GTF3C3: variants seen among roughly 807,000 people sequenced by gnomAD.
GTF3C3 encodes general transcription factor IIIC subunit 3, also known as general transcription factor 3C polypeptide 3.
A neutral mutation model predicts 105.2 loss-of-function variants in GTF3C3; 75 were observed. The ratio of observed to expected loss-of-function variants is 0.71; its 90% CI spans 0.59 to 0.86. The LOEUF is 0.86. GTF3C3 is among the 40% of genes least tolerant of loss of function. The pLI is 0.00. For missense variants in GTF3C3, 856 were observed against 1,076.5 expected, an observed-to-expected ratio of 0.80 and a Z score of 2.87; for synonymous variants, 335 against 370.4, an observed-to-expected ratio of 0.90 and a Z score of 1.10.
intron 13 of GTF3C3, among the ~76,000 whole-genome samples, chr2:196,774,222 A>G (rs569799303): frequency 2.0e-5 from 3 of 152,328 alleles, no homozygotes; most frequent in African/African-American, 7.2e-5. Context: ...CCTAAACAAA[A>G]TATGGACAAA....
At chr2:196,798,985 T>C (rs950499270) in intron 1 of GTF3C3, among the ~76,000 whole-genome samples, 1 of 152,010 alleles carries the variant, frequency 6.6e-6, no homozygotes, top group East Asian at 1.9e-4. Context: ...TATTTCTAAG[T>C]ATGGGGAAAA....
chr2:196,763,147 G>C lies in GTF3C3; in HGVS notation c.*1416C>G, dbSNP rs913648802. 5.3e-5 allele frequency: 8 copies of C among 152,162 alleles called. No individual in the cohort carries two copies. The highest frequency in any genetic ancestry group is 3.3e-4 in the Admixed American group (5 of 15,268). The allele number at this position is 152,162 out of a possible 1,614,324, so 9.4% of individuals were successfully genotyped here. A position where few individuals can be genotyped will look rare whatever the true frequency, so the allele number is the denominator to read the frequency against. Reference sequence around the variant, plus strand: ...AGAGATAACATATCCAAAGTGTTTAGCACCATACTTAGCATACAGTAGCAG... The same window carrying C: ...AGAGATAACATATCCAAAGTGTTTACCACCATACTTAGCATACAGTAGCAG... On this transcript the variant is annotated 3_prime_UTR_variant, in exon 18 of 18. Coordinates refer to ENST00000263956, the MANE Select transcript of GTF3C3 (RefSeq NM_012086.5).
At chr2:196,765,546 T>C (rs972256615) in intron 17 of GTF3C3, among the ~76,000 whole-genome samples, 5 of 150,134 alleles carry the variant, frequency 3.3e-5, no homozygotes, top group Non-Finnish European at 7.4e-5. Context: ...TATATAAATA[T>C]GTATATATGA....
intron 13 of GTF3C3, 55 bp from the exon 14 acceptor site, chr2:196,773,208 T>C: frequency 3.0e-6 from 3 of 990,906 alleles, no homozygotes; most frequent in Non-Finnish European, 4.6e-6. Flanking sequence ...GAAATAGCAG[T>C]ATTAGAAAAA....
rs1463513043 is a variant in GTF3C3, at chr2:196,766,789, AG to A, written c.2386-73del. The A allele has an allele frequency of 2.6e-6, 3 of 1,152,678 alleles. No individual in the cohort carries two copies. The East Asian group carries it at 7.1e-5, about 27-fold the overall frequency. The allele number at this position is 1,152,678 out of a possible 1,614,324, so 71.4% of individuals were successfully genotyped here. A position where few individuals can be genotyped will look rare whatever the true frequency, so the allele number is the denominator to read the frequency against. On this transcript the variant is annotated intron_variant, in intron 16 of 17. Coordinates refer to ENST00000263956, the MANE Select transcript of GTF3C3 (RefSeq NM_012086.5). ...TTATGTACTAGACCACTGTATTACC[AG>A]GTGCTGAAAATACAAATATTTTTTA...
At position 196,793,154 on chromosome 2, in the gene GTF3C3, TG is replaced by T. The variant is rs1296557029; in HGVS notation, c.215-3del. The T allele has an allele frequency of 1.3e-6, 2 of 1,593,202 alleles. No individual in the cohort carries two copies. The highest frequency in any genetic ancestry group is 1.7e-6 in the Non-Finnish European group (2 of 1,166,276). On this transcript the variant is annotated splice_polypyrimidine_tract_variant and splice_region_variant and intron_variant, in intron 2 of 17. Coordinates refer to ENST00000263956, the MANE Select transcript of GTF3C3 (RefSeq NM_012086.5). ...TCCTCACTCCATCTGATGTTTCTCC[TG>T]AGAAAAGAGACATTGATGGGGGAGG... is the stretch of plus-strand genomic sequence containing the variant.
Position 196,773,063 on chromosome 2 carries a change from C to A in GTF3C3, c.1922G>T (p.Arg641Leu). 6.2e-7 allele frequency: 1 copy of A among 1,612,914 alleles called. No individual in the cohort carries two copies. The highest frequency in any genetic ancestry group is 8.5e-7 in the Non-Finnish European group (1 of 1,179,002). ...TACAAGCAACTCAGCCTCTTGAAATCGGGATAGGTCACATAAGGAGTATAT... is the reference window on the plus strand; with the variant it reads ...TACAAGCAACTCAGCCTCTTGAAATAGGGATAGGTCACATAAGGAGTATAT... ...KAIYSLCDLS[R>L]FQEAELLVDS... is the part of the protein sequence containing the mutation. The change falls in exon 14 of 18, where the codon CGA becomes CTA. Residue 641 changes from arginine to leucine, a missense_variant. Physicochemically the swap from Arg to Leu is moderately radical, Grantham distance 102. This residue lies in a region of GTF3C3 where 605 missense variants were observed against 833.6 expected (regional missense o/e 0.73). Transcript: ENST00000263956.
In GTF3C3 at chr2:196,763,399, C is replaced by A. The variant is rs1001813837; in HGVS notation, c.*1164G>T. ...CTAACTTATTACTGTATCTCAGTTA[C>A]CTCTACCATTACCTATAAATGGCAT... is the stretch of plus-strand genomic sequence containing the variant. On this transcript the variant is annotated 3_prime_UTR_variant, in exon 18 of 18. Transcript: ENST00000263956. 12 of 152,134 alleles carry A rather than the reference C, an allele frequency of 7.9e-5. No homozygotes were observed. Among genetic ancestry groups the A allele is most frequent in the African/African-American group, 2.4e-4 (10 of 41,420 alleles). 9.4% of individuals were successfully genotyped at this position (152,134 alleles called of 1,614,324 possible).
chr2:196,772,875 CTATT>C, intron 14 of GTF3C3, 37 bp downstream of exon 14: 1 of 1,003,962 alleles, frequency 1.0e-6, no homozygotes, highest in African/African-American at 1.6e-5. Flanking sequence ...TGTACTTACT[CTATT>C]AAAGAATCTA....
At chr2:196,774,696 G>C (rs1272658347) in intron 13 of GTF3C3, among the ~76,000 whole-genome samples, 1 of 152,158 alleles carries the variant, frequency 6.6e-6, no homozygotes, top group East Asian at 1.9e-4. Context: ...TATTACTTGA[G>C]ACTAGGTCAC....
In GTF3C3 at chr2:196,780,627, C is replaced by T. The variant is rs200627790; in HGVS notation, c.1150G>A (p.Val384Met). 3.0e-5 allele frequency: 49 copies of T among 1,613,140 alleles called. No individual in the cohort carries two copies. The Middle Eastern group carries it at 9.9e-4, about 33-fold the overall frequency. The change falls in exon 9 of 18, where the codon GTG (valine) becomes ATG (methionine). Residue 384 changes from valine to methionine, a missense_variant. This residue lies in a region of GTF3C3 where 605 missense variants were observed against 833.6 expected (regional missense o/e 0.73). Transcript: ENST00000263956. ...AACTTCACTGTGATATCTATTGGCA[C>T]GCCATCAGGTATAGTGCAGGTAACA... ...ENVTCTIPDG[V>M]PIDITVKLMV... is the part of the protein sequence containing the mutation.
Position 196,780,319 on chromosome 2 carries a change from A to G in GTF3C3, c.1218+240T>C, listed in dbSNP as rs542477879. ...GACAATCTCAAATGGTCTAAAGACA[A>G]TCTCAAATTATGATCTTTAGATTGT... On this transcript the variant is annotated intron_variant, in intron 9 of 17. Coordinates refer to ENST00000263956, the MANE Select transcript of GTF3C3 (RefSeq NM_012086.5). 2.3e-5 allele frequency: 25 copies of G among 1,107,530 alleles called. No homozygotes were observed. The East Asian group carries it at 7.5e-4, about 33-fold the overall frequency. The allele number at this position is 1,107,530 out of a possible 1,614,324, so 68.6% of individuals were successfully genotyped here.
chr2:196,768,148 G>A (rs1699103037), intron 16 of GTF3C3, among the ~76,000 whole-genome samples: 1 of 152,106 alleles, frequency 6.6e-6, no homozygotes, highest in South Asian at 2.1e-4. Flanking sequence ...CTCCCGAGTA[G>A]CTGGGATTAC....
intron 2 of GTF3C3, among the ~76,000 whole-genome samples, chr2:196,793,896 A>G (rs960823655): frequency 1.3e-5 from 2 of 152,226 alleles, no homozygotes; most frequent in Non-Finnish European, 2.9e-5. Flanking sequence ...GAAGTGCAGA[A>G]GCCAATTTTC....
chr2:196,766,544 A>G, intron 17 of GTF3C3, 21 bp downstream of exon 17: 1 of 1,575,690 alleles, frequency 6.3e-7, no homozygotes, highest in Non-Finnish European at 8.7e-7. Context: ...GAAGTGTCTC[A>G]GTTTTAAAAA....
intron 9 of GTF3C3, chr2:196,780,092 G>A (rs1223677046): frequency 6.2e-6 from 1 of 162,382 alleles, no homozygotes; most frequent in Non-Finnish European, 1.3e-5. Flanking sequence ...TCCCGTATAT[G>A]TTATGTATTT....
At chr2:196,789,097 AAC>A in intron 6 of GTF3C3, 105 bp downstream of exon 6, 3 of 964,404 alleles carry the variant, frequency 3.1e-6, no homozygotes, top group Non-Finnish European at 4.6e-6. Context: ...CATAAGGCAA[AAC>A]ACTTCTTGAA....
At position 196,799,472 on chromosome 2, in the gene GTF3C3, A is replaced by G. The variant is rs764065255; in HGVS notation, c.102+38T>C. 3 of 1,492,750 alleles carry G rather than the reference A, an allele frequency of 2.0e-6. No individual in the cohort carries two copies. In the African/African-American group the frequency reaches 4.1e-5, roughly 21 times the overall value. The allele number at this position is 1,492,750 out of a possible 1,614,324, so 92.5% of individuals were successfully genotyped here. ...CCCCACACCTAAGGGTATGAAGGCA[A>G]CAAGAGTGAAGGGCACCGTGGCCTA... On this transcript the variant is annotated intron_variant, in intron 1 of 17. Transcript: ENST00000263956.
intron 8 of GTF3C3, chr2:196,780,864 T>C (rs1411429782): frequency 1.1e-5 from 5 of 448,680 alleles, no homozygotes; most frequent in African/African-American, 2.0e-5. Flanking sequence ...TCTAATACCT[T>C]ATGTACTTAT....
Sources: allele counts gnomAD v4.1 joint callset (sites outside exome capture counted in the v4.1 genomes callset), GRCh38; gene constraint gnomAD v4.1.1; regional missense constraint gnomAD v4.1.1; transcripts MANE v1.5; gene names NCBI Gene and HGNC (gene_info 2026-07-23, HGNC 2026-07-21).